PARD3B: variants seen among roughly 807,000 people sequenced by gnomAD.
PARD3B encodes par-3 family cell polarity regulator beta.
Under a neutral mutation model 130.2 loss-of-function variants are expected in PARD3B, and 103 were observed. The observed-to-expected ratio is 0.79, with a 90% CI of 0.67 to 0.93. The LOEUF (loss-of-function observed/expected upper bound fraction) is 0.93. Ranked by LOEUF, PARD3B falls within the 40% of genes least tolerant of loss-of-function variation. The pLI is 0.00. For synonymous variants in PARD3B, 583 were observed against 553.2 expected (o/e 1.05, Z -0.76); for missense variants, 1,609 against 1,499.2 (o/e 1.07, Z -1.21).
In PARD3B at chr2:204,678,471, G is replaced by A. The variant is rs965384832; in HGVS notation, c.121-7710G>A. On this transcript the variant is annotated intron_variant, in intron 1 of 22. Coordinates refer to ENST00000406610, the MANE Select transcript of PARD3B (RefSeq NM_001302769.2). This position sits in a 1 kb window ranked among gnomAD's most constrained non-coding sequence, Gnocchi z 4.2. The stretch of plus-strand genomic sequence containing the variant: ...ACGGACTTGAAGGATGTTGAATGCA[G>A]AGGTTTTATTGACTGATGGAGGTGG... Among the ~76,000 whole-genome samples, 1 of 152,136 alleles carries A rather than the reference G, an allele frequency of 6.6e-6. No homozygotes were observed. The highest frequency in any genetic ancestry group is 2.4e-5 in the African/African-American group (1 of 41,418).
chr2:204,578,183 T>G (rs571630779), intron 1 of PARD3B, among the ~76,000 whole-genome samples: 53 of 152,350 alleles, frequency 3.5e-4, no homozygotes, highest in African/African-American at 1.2e-3. Context: ...GAATCAATAC[T>G]TTAGTGTACA....
At chr2:205,238,848 AAATAT>A (rs570683406) in intron 15 of PARD3B, among the ~76,000 whole-genome samples, 69 of 76,608 alleles carry the variant, frequency 9.0e-4, no homozygotes, top group East Asian at 4.8e-3. Context: ...AAAAAAAAAA[AAATAT>A]ATATATATAT....
chr2:204,729,310 C>G (rs2125335066), intron 2 of PARD3B, among the ~76,000 whole-genome samples: 1 of 152,262 alleles, frequency 6.6e-6, no homozygotes, highest in South Asian at 2.1e-4. Flanking sequence ...AGAACTGGCT[C>G]TTGCAGAATA....
intron 2 of PARD3B, among the ~76,000 whole-genome samples, chr2:204,782,411 G>A (rs10192534): frequency 0.92 from 138,686 of 151,370 alleles, 63,771 homozygotes; most frequent in Middle Eastern, 0.97. Context: ...CATGTCACAT[G>A]TATGTATTGT....
intron 3 of PARD3B, among the ~76,000 whole-genome samples, chr2:205,042,638 C>T (rs1003204610): frequency 2.0e-5 from 3 of 151,916 alleles, no homozygotes; most frequent in African/African-American, 7.3e-5. Flanking sequence ...TTGATCTAGC[C>T]TCTGGTGTAT....
At chr2:204,796,520 A>G (rs557715293) in intron 2 of PARD3B, among the ~76,000 whole-genome samples, 3 of 152,212 alleles carry the variant, frequency 2.0e-5, no homozygotes, top group South Asian at 2.1e-4. Context: ...GTCCTTCTGA[A>G]CATCTCAACG....
At chr2:204,752,932 CA>C (rs148482412) in intron 2 of PARD3B, among the ~76,000 whole-genome samples, 1,784 of 152,254 alleles carry the variant, frequency 0.012, 27 homozygotes, top group African/African-American at 0.04. Flanking sequence ...ATGACTATTA[CA>C]ATTTGTGACA....
intron 22 of PARD3B, among the ~76,000 whole-genome samples, chr2:205,582,276 G>A (rs926260285): frequency 6.6e-6 from 1 of 152,068 alleles, no homozygotes; most frequent in Admixed American, 6.6e-5. Flanking sequence ...AATAGACTCT[G>A]GATAATTCCT....
At chr2:205,401,244 A>G (rs1465140533) in intron 19 of PARD3B, 121 bp downstream of exon 19, 21 of 712,370 alleles carry the variant, frequency 2.9e-5, no homozygotes. Flanking sequence ...ACCGATCTGA[A>G]AGGAAAGGTG....
intron 2 of PARD3B, among the ~76,000 whole-genome samples, chr2:204,918,008 G>C (rs2047511302): frequency 6.6e-6 from 1 of 152,168 alleles, no homozygotes; most frequent in African/African-American, 2.4e-5. Flanking sequence ...AGTAATTAAA[G>C]TTTACAAAAT....
At position 204,678,937 on chromosome 2, in the gene PARD3B, G is replaced by A. The variant is rs2036690839; in HGVS notation, c.121-7244G>A. ...AACATTGCCCTAGAAGCCGCTTCAT[G>A]CCTCTTTCTACTCACCACCCTTCCC... On this transcript the variant is annotated intron_variant, in intron 1 of 22. Coordinates refer to ENST00000406610, the MANE Select transcript of PARD3B (RefSeq NM_001302769.2). This position sits in a 1 kb window ranked among gnomAD's most constrained non-coding sequence, Gnocchi z 4.2. Among the ~76,000 whole-genome samples the A allele has an allele frequency of 6.6e-6, 1 of 152,110 alleles. No individual in the cohort carries two copies. Among genetic ancestry groups the A allele is most frequent in the South Asian group, 2.1e-4 (1 of 4,820 alleles).
At chr2:205,588,951 C>T (rs571060686) in intron 22 of PARD3B, among the ~76,000 whole-genome samples, 33 of 152,214 alleles carry the variant, frequency 2.2e-4, no homozygotes, top group African/African-American at 6.5e-4. Context: ...TCCTTAGAAA[C>T]GAATTTCCAT....
chr2:204,900,540 T>C lies in PARD3B; in HGVS notation c.223-64612T>C, dbSNP rs189151517. Among the ~76,000 whole-genome samples the C allele has an allele frequency of 4.9e-3, 748 of 152,366 alleles. 1 individual carries two copies. Among genetic ancestry groups the C allele is most frequent in the Non-Finnish European group, 7.0e-3 (473 of 68,038 alleles). On this transcript the variant is annotated intron_variant, in intron 2 of 22. Coordinates refer to ENST00000406610, the MANE Select transcript of PARD3B (RefSeq NM_001302769.2). ...CTTCTCTGTGTTATCTTGAATTTCA[T>C]TGAGTTTCCTCAAAACAGCTATTTT...
intron 18 of PARD3B, among the ~76,000 whole-genome samples, chr2:205,342,855 G>T (rs2043593688): frequency 6.6e-6 from 1 of 152,070 alleles, no homozygotes; most frequent in Non-Finnish European, 1.5e-5. Context: ...GTAAGTCAGT[G>T]AGAAAACAAG....
chr2:205,261,037 G>C (rs916130292), intron 16 of PARD3B, among the ~76,000 whole-genome samples: 5 of 151,872 alleles, frequency 3.3e-5, no homozygotes, highest in African/African-American at 7.3e-5. Flanking sequence ...ACTCACTGTT[G>C]GTTTTTTCAC....
intron 2 of PARD3B, among the ~76,000 whole-genome samples, chr2:204,863,657 G>GT (rs1234166078): frequency 1.3e-5 from 2 of 152,160 alleles, no homozygotes; most frequent in Non-Finnish European, 2.9e-5. Flanking sequence ...ATAAACTTTG[G>GT]TAAGACAGTC....
Position 205,563,992 on chromosome 2 carries a change from G to A in PARD3B, c.3260+10589G>A, listed in dbSNP as rs1051226680. On this transcript the variant is annotated intron_variant, in intron 22 of 22. Transcript: ENST00000406610. This position sits in a 1 kb window ranked among gnomAD's most constrained non-coding sequence, Gnocchi z 4.2. ...TATTGTGCTCCAAGAACTCTGGCAA[G>A]TACTTTAAATATGTCACCTCATTTA... Among the ~76,000 whole-genome samples the A allele has an allele frequency of 2.0e-5, 3 of 152,214 alleles. No individual in the cohort carries two copies. Among genetic ancestry groups the A allele is most frequent in the Admixed American group, 2.0e-4 (3 of 15,280 alleles).
At chr2:204,709,116 G>A (rs975283503) in intron 2 of PARD3B, among the ~76,000 whole-genome samples, 2 of 151,950 alleles carry the variant, frequency 1.3e-5, no homozygotes, top group African/African-American at 2.4e-5. Context: ...TTTTATTATA[G>A]TTTATTCCTA....
At chr2:205,456,306 C>G (rs2048274804) in intron 20 of PARD3B, among the ~76,000 whole-genome samples, 1 of 152,046 alleles carries the variant, frequency 6.6e-6, no homozygotes, top group Non-Finnish European at 1.5e-5. Flanking sequence ...CTATTACAAA[C>G]AGAGTTGCTA....
Sources: allele counts gnomAD v4.1 joint callset (sites outside exome capture counted in the v4.1 genomes callset), GRCh38; gene constraint gnomAD v4.1.1; non-coding constraint Gnocchi (gnomAD v3.1); transcripts MANE v1.5; gene names NCBI Gene and HGNC (gene_info 2026-07-23, HGNC 2026-07-21).